Variants in NFIA observed in about 807,000 individuals in gnomAD.
The protein encoded by NFIA is nuclear factor 1 A-type.
NFIA carries 8 observed loss-of-function variants against 62.8 expected under a neutral mutation model. The observed-to-expected ratio is 0.13, with a 90% CI of 0.07 to 0.23. NFIA has a LOEUF of 0.23. Among genes scored for constraint, NFIA ranks in the 10% least tolerant of loss-of-function variants. The pLI, the probability that NFIA is intolerant of heterozygous loss-of-function variation, is 1.00. For synonymous variants in NFIA, 235 were observed against 238.1 expected, an observed-to-expected ratio of 0.99 and a Z score of 0.12; for missense variants, 410 against 642.1, an observed-to-expected ratio of 0.64 and a Z score of 3.91.
At chr1:61,414,542 T>G (rs998299637) in intron 9 of NFIA, among the ~76,000 whole-genome samples, 8 of 19,116 alleles carry the variant, frequency 4.2e-4, no homozygotes, top group Non-Finnish European at 1.9e-4. Context: ...TTTTGTTTTG[T>G]TTTTTTTTTT....
intron 3 of NFIA, among the ~76,000 whole-genome samples, chr1:61,310,207 A>G (rs1451331311): frequency 6.6e-6 from 1 of 152,228 alleles, no homozygotes; most frequent in Non-Finnish European, 1.5e-5. Flanking sequence ...TCTGCTGTGT[A>G]TATGTGATAT....
intron 4 of NFIA, among the ~76,000 whole-genome samples, chr1:61,344,051 ACTT>A (rs1024739608): frequency 2.6e-5 from 4 of 152,160 alleles, no homozygotes; most frequent in African/African-American, 9.7e-5. Flanking sequence ...TTTTTACTAT[ACTT>A]ATTTTTTTTC....
At chr1:61,104,396 A>G (rs1356457624) in intron 2 of NFIA, among the ~76,000 whole-genome samples, 4 of 152,114 alleles carry the variant, frequency 2.6e-5, no homozygotes, top group Non-Finnish European at 4.4e-5. Flanking sequence ...AAAGATGACA[A>G]TTAAGGTGTT....
intron 7 of NFIA, among the ~76,000 whole-genome samples, chr1:61,396,856 G>T (rs777786957): frequency 6.6e-6 from 1 of 151,990 alleles, no homozygotes; most frequent in Non-Finnish European, 1.5e-5. Context: ...TCAAAAATTA[G>T]CCAAGTGTGA....
intron 2 of NFIA, among the ~76,000 whole-genome samples, chr1:61,275,856 G>A (rs189100604): frequency 1.2e-4 from 19 of 152,064 alleles, no homozygotes; most frequent in Non-Finnish European, 2.2e-4. Flanking sequence ...TAGTCATGCT[G>A]TATTTTTTAA....
intron 4 of NFIA, among the ~76,000 whole-genome samples, chr1:61,349,985 T>C (rs1159839615): frequency 6.6e-6 from 1 of 152,134 alleles, no homozygotes; most frequent in Non-Finnish European, 1.5e-5. Flanking sequence ...ATCCCCACTA[T>C]ACCTTGCATA....
chr1:61,241,071 C>T (rs535927840), intron 2 of NFIA, among the ~76,000 whole-genome samples: 1 of 151,756 alleles, frequency 6.6e-6, no homozygotes, highest in East Asian at 1.9e-4. Context: ...AAGAGAGTTT[C>T]CATGAGCTCA....
At chr1:61,360,252 A>G (rs6587919) in intron 6 of NFIA, among the ~76,000 whole-genome samples, 125,828 of 152,154 alleles carry the variant, frequency 0.83, 52,148 homozygotes, top group East Asian at 0.95. Context: ...AACCCTTTCC[A>G]ATGTCTAACA....
At chr1:61,277,336 C>A (rs1657864212) in intron 2 of NFIA, among the ~76,000 whole-genome samples, 184 bp from the exon 3 acceptor site, 1 of 152,212 alleles carries the variant, frequency 6.6e-6, no homozygotes, top group Non-Finnish European at 1.5e-5. Flanking sequence ...AAGGCACAGG[C>A]TGCTGCTGCA....
At position 61,352,490 on chromosome 1, in the gene NFIA, A is replaced by G. The variant is rs748339498; in HGVS notation, c.741A>G (p.Ser247=). Residue 247 remains serine (S), a synonymous_variant, in exon 5 of 11, where the codon TCA becomes TCG. Coordinates refer to ENST00000403491, the MANE Select transcript of NFIA (RefSeq NM_001134673.4). ...AAGTGPNFSL[S]DLESSSYYSM... ...GAACTGGCCCAAATTTTTCTCTCTC[A>G]GATTTGGAAAGTTCTTCATACTACA... The G allele has an allele frequency of 3.1e-6, 5 of 1,613,934 alleles. No individual in the cohort carries two copies. The highest frequency in any genetic ancestry group is 4.2e-6 in the Non-Finnish European group (5 of 1,179,912).
intron 2 of NFIA, among the ~76,000 whole-genome samples, chr1:61,244,342 ACT>A (rs945528739): frequency 2.0e-5 from 3 of 151,846 alleles, no homozygotes; most frequent in Admixed American, 6.6e-5. Context: ...ATGAGTCACC[ACT>A]CTCTATTTTA....
At chr1:61,082,523 A>T (rs1646124437), upstream of NFIA, 3 of 1,320,964 alleles carry the variant, frequency 2.3e-6, no homozygotes, top group South Asian at 1.8e-5. Context: ...ACCCGCGTAC[A>T]GTAGGCATGT....
At chr1:61,274,256 C>A (rs1364972110) in intron 2 of NFIA, among the ~76,000 whole-genome samples, 1 of 152,150 alleles carries the variant, frequency 6.6e-6, no homozygotes, top group Non-Finnish European at 1.5e-5. Context: ...CAAACCCTGT[C>A]TATTTTAGGT....
chr1:61,142,966 C>T (rs149297786), intron 2 of NFIA, among the ~76,000 whole-genome samples: 35 of 152,224 alleles, frequency 2.3e-4, no homozygotes, highest in Non-Finnish European at 4.3e-4. Context: ...GGCCCAAGAG[C>T]GAGTAGGATT....
intron 2 of NFIA, among the ~76,000 whole-genome samples, chr1:61,262,246 C>CTG (rs1656810832): frequency 6.6e-6 from 1 of 152,130 alleles, no homozygotes. Context: ...CTCCCAATTA[C>CTG]TGTGCAAGTA....
intron 2 of NFIA, among the ~76,000 whole-genome samples, chr1:61,209,584 G>C (rs1653112088): frequency 6.6e-6 from 1 of 152,020 alleles, no homozygotes; most frequent in Admixed American, 6.6e-5. Context: ...AGCACTTTGG[G>C]AGGCTGAGGC....
At chr1:61,301,070 A>G (rs1659472384) in intron 3 of NFIA, among the ~76,000 whole-genome samples, 1 of 152,150 alleles carries the variant, frequency 6.6e-6, no homozygotes, top group African/African-American at 2.4e-5. Context: ...TACCCATGAG[A>G]AAATACATAC....
intron 3 of NFIA, among the ~76,000 whole-genome samples, chr1:61,314,830 C>G (rs1400134025): frequency 6.6e-6 from 1 of 152,168 alleles, no homozygotes; most frequent in Admixed American, 6.5e-5. Context: ...TGAACTGGAT[C>G]TTCCTGGTGT....
chr1:61,403,932 C>T (rs1185452316), intron 7 of NFIA, 172 bp from the exon 8 acceptor site: 2 of 670,636 alleles, frequency 3.0e-6, no homozygotes, highest in East Asian at 5.4e-5. Context: ...CCGTGTTTGT[C>T]TTAGAGCCTT....
Sources: gnomAD v4.1 joint callset for allele counts (sites outside exome capture counted in the v4.1 genomes callset) on GRCh38, gnomAD v4.1.1 for gene constraint, MANE v1.5 for transcripts, NCBI Gene and HGNC (gene_info 2026-07-23, HGNC 2026-07-21) for gene names.